Variants in DEPDC5 observed in about 807,000 individuals in gnomAD.
DEPDC5 encodes GATOR1 complex protein DEPDC5.
A neutral mutation model predicts 217.3 loss-of-function variants in DEPDC5; 73 were observed. The observed-to-expected ratio is 0.34, with a 90% CI of 0.28 to 0.41. The LOEUF (loss-of-function observed/expected upper bound fraction) is 0.41, where lower values mean the gene tolerates loss of function less well. Among genes scored for constraint, DEPDC5 ranks in the 10% least tolerant of loss-of-function variants. The pLI is 1.00. For synonymous variants in DEPDC5, 733 were observed against 756.7 expected (o/e 0.97, Z 0.51); for missense variants, 1,675 against 2,070.1 (o/e 0.81, Z 3.70).
chr22:31,780,367 G>C (rs1282166653), intron 8 of DEPDC5, among the ~76,000 whole-genome samples: 4 of 152,184 alleles, frequency 2.6e-5, no homozygotes, highest in African/African-American at 9.7e-5. Flanking sequence ...AGACAGGGAA[G>C]AAGCAGGTTG....
Position 31,760,640 on chromosome 22 carries a change from TTGC to T in DEPDC5, c.147-14_147-12del, listed in dbSNP as rs1466924339. The stretch of plus-strand genomic sequence containing the variant: ...TGTTCACGGTATCCCAACTCTCTTG[TTGC>T]TTTCTTTTTCAGCCCTCTGCTTTTG... On this transcript the variant is annotated splice_polypyrimidine_tract_variant and intron_variant, in intron 3 of 42. Transcript: ENST00000651528. 1 of 1,611,808 alleles carries T rather than the reference TTGC, an allele frequency of 6.2e-7. No homozygotes were observed. The highest frequency in any genetic ancestry group is 1.7e-5 in the Admixed American group (1 of 59,426).
chr22:31,890,242 G>A (rs2093411261), intron 38 of DEPDC5: 1 of 152,120 alleles, frequency 6.6e-6, no homozygotes, highest in South Asian at 2.1e-4. Context: ...TGAGACATAT[G>A]GTTACTAAAT....
At chr22:31,900,426 G>C (rs2093628492) in intron 40 of DEPDC5, among the ~76,000 whole-genome samples, 1 of 152,012 alleles carries the variant, frequency 6.6e-6, no homozygotes, top group South Asian at 2.1e-4. Context: ...CTTTCTTGTG[G>C]GAAGATTGGT....
intron 12 of DEPDC5, 122 bp from the exon 13 acceptor site, chr22:31,797,478 C>A: frequency 1.4e-6 from 1 of 730,660 alleles, no homozygotes. Context: ...GATCCAGTCA[C>A]CTCCCACCAG....
chr22:31,870,414 A>G (rs751733424), intron 33 of DEPDC5, among the ~76,000 whole-genome samples, 176 bp from the exon 34 acceptor site: 1 of 152,214 alleles, frequency 6.6e-6, no homozygotes, highest in Non-Finnish European at 1.5e-5. Context: ...AGACAACTTT[A>G]GCTGTGCCAC....
In DEPDC5 at chr22:31,768,796, C is replaced by T. The variant is rs1465763804; in HGVS notation, c.364-18C>T. 3 of 1,609,760 alleles carry T rather than the reference C, an allele frequency of 1.9e-6. No individual in the cohort carries two copies. Among genetic ancestry groups the T allele is most frequent in the Non-Finnish European group, 1.7e-6 (2 of 1,177,050 alleles). On this transcript the variant is annotated intron_variant, in intron 6 of 42. Coordinates refer to ENST00000651528, the MANE Select transcript of DEPDC5 (RefSeq NM_001242896.3). Reference sequence around the variant, plus strand: ...TCCCTCCCTCCCTCTCTCTACCCCTCTCTCCCCCTCCTCTTAGGTCAGCAC... The same window carrying T: ...TCCCTCCCTCCCTCTCTCTACCCCTTTCTCCCCCTCCTCTTAGGTCAGCAC...
chr22:31,859,601 C>T (rs192980285), intron 32 of DEPDC5, among the ~76,000 whole-genome samples: 8 of 151,442 alleles, frequency 5.3e-5, no homozygotes, highest in African/African-American at 1.9e-4. Flanking sequence ...CCGTGTTGGC[C>T]AGGTTGGTCC....
At chr22:31,822,025 G>T (rs2072681691) in intron 23 of DEPDC5, among the ~76,000 whole-genome samples, 1 of 152,160 alleles carries the variant, frequency 6.6e-6, no homozygotes, top group Non-Finnish European at 1.5e-5. Context: ...TGTGATTTTG[G>T]TCATTCAGAA....
rs1042775049 is a variant in DEPDC5 at position 31,899,155 on chromosome 22, G to C, written c.4375+1502G>C. On this transcript the variant is annotated intron_variant, in intron 40 of 42. Transcript: ENST00000651528. ...GTTTTTCCCTGCCAGTTGTAACTCA[G>C]TCTTCAAGACCAGCAGCCTCTGTTG... is the stretch of plus-strand genomic sequence containing the variant. 3.9e-5 allele frequency among the ~76,000 whole-genome samples: 6 copies of C among 152,192 alleles called. No homozygotes were observed. In the South Asian group the frequency reaches 8.3e-4, roughly 21 times the overall value.
Position 31,869,565 on chromosome 22 carries a change from TAAA to T in DEPDC5, c.3331-1006_3331-1004del, listed in dbSNP as rs3069117. 4.4e-3 allele frequency among the ~76,000 whole-genome samples: 547 copies of T among 125,330 alleles called. 1 individual carries two copies. Among genetic ancestry groups the T allele is most frequent in the Non-Finnish European group, 6.2e-3 (381 of 61,536 alleles). The allele number at this position is 125,330 out of a possible 152,430, so 82.2% of individuals were successfully genotyped here. Reference sequence around the variant, plus strand: ...CGGTGACAGAGCAAGAGTCTGTCTTTAAAAAAAAAAAAAAAAAAAAAGACTGAT... The same window carrying T: ...CGGTGACAGAGCAAGAGTCTGTCTTTAAAAAAAAAAAAAAAAAAGACTGAT... On this transcript the variant is annotated intron_variant, in intron 33 of 42. Coordinates refer to ENST00000651528, the MANE Select transcript of DEPDC5 (RefSeq NM_001242896.3).
At position 31,814,789 on chromosome 22, in the gene DEPDC5, G is replaced by A; in HGVS notation, c.1446-203G>A. 4 of 595,314 alleles carry A rather than the reference G, an allele frequency of 6.7e-6. No individual in the cohort carries two copies. In the East Asian group the frequency reaches 1.1e-4, roughly 17 times the overall value. The allele number at this position is 595,314 out of a possible 1,614,324, so 36.9% of individuals were successfully genotyped here. On this transcript the variant is annotated intron_variant, in intron 20 of 42. Coordinates refer to ENST00000651528, the MANE Select transcript of DEPDC5 (RefSeq NM_001242896.3). ...GATCCTAGGACTTTGGCTGCATAAT[G>A]TCTGTCATTTCCCCCCTCTCTTATA...
chr22:31,778,249 G>A (rs2084083470), intron 8 of DEPDC5, 81 bp downstream of exon 8: 11 of 1,434,810 alleles, frequency 7.7e-6, no homozygotes. Context: ...TAAAACAAGG[G>A]CGGGGCAGGA....
intron 16 of DEPDC5, among the ~76,000 whole-genome samples, chr22:31,804,564 C>T (rs760172875): frequency 4.6e-5 from 7 of 152,136 alleles, no homozygotes; most frequent in African/African-American, 9.7e-5. Context: ...CTCAGCCTCC[C>T]GAGTAGCTAT....
chr22:31,889,307 T>C (rs548301028), intron 38 of DEPDC5, among the ~76,000 whole-genome samples: 18 of 152,356 alleles, frequency 1.2e-4, no homozygotes, highest in African/African-American at 4.3e-4. Context: ...GAAACATATG[T>C]ACTGCCAAAT....
chr22:31,820,193 C>T (rs2089547239), intron 22 of DEPDC5, among the ~76,000 whole-genome samples: 1 of 152,098 alleles, frequency 6.6e-6, no homozygotes, highest in South Asian at 2.1e-4. Context: ...ATAACTGCAA[C>T]CTCTGCCTTT....
Position 31,782,504 on chromosome 22 carries a change from C to T in DEPDC5, c.484-1403C>T, listed in dbSNP as rs145580405. Among the ~76,000 whole-genome samples, 4 of 152,290 alleles carry T rather than the reference C, an allele frequency of 2.6e-5. No individual in the cohort carries two copies. The East Asian group carries it at 7.7e-4, about 29-fold the overall frequency. On this transcript the variant is annotated intron_variant, in intron 8 of 42. Transcript: ENST00000651528. ...GGAGTGTTAAGAGATTTACATTTTA[C>T]GTTCCCTCTAAACTTCTTTAGAGCC...
At chr22:31,810,693 C>A in intron 20 of DEPDC5, 52 bp downstream of exon 20, 1 of 1,609,910 alleles carries the variant, frequency 6.2e-7, no homozygotes, top group Non-Finnish European at 8.5e-7. Context: ...GTAGGAAAAC[C>A]TGAAGTTCAG....
chr22:31,859,534 G>A (rs1293480822), intron 32 of DEPDC5, among the ~76,000 whole-genome samples: 1 of 152,028 alleles, frequency 6.6e-6, no homozygotes, highest in Non-Finnish European at 1.5e-5. Context: ...TGGGATTACA[G>A]GCGTGCACCA....
chr22:31,837,390 G>T (rs570134875), intron 26 of DEPDC5: 2 of 552,160 alleles, frequency 3.6e-6, no homozygotes, highest in Non-Finnish European at 6.2e-6. Flanking sequence ...TCACTCTGTC[G>T]CTCGGGTTGG....
Sources: gnomAD v4.1 joint callset for allele counts (sites outside exome capture counted in the v4.1 genomes callset) on GRCh38, gnomAD v4.1.1 for gene constraint, MANE v1.5 for transcripts, NCBI Gene and HGNC (gene_info 2026-07-23, HGNC 2026-07-21) for gene names.